DGKB: variants seen among roughly 807,000 people sequenced by gnomAD.
DGKB encodes the protein diacylglycerol kinase beta.
Under a neutral mutation model 114.3 loss-of-function variants are expected in DGKB, and 67 were observed. That is an observed-to-expected ratio of 0.59 (90% CI 0.48 to 0.72). DGKB has a LOEUF of 0.72. Among genes scored for constraint, DGKB ranks in the 30% least tolerant of loss-of-function variants. The pLI, the probability that DGKB is intolerant of heterozygous loss-of-function variation, is 0.00. For synonymous variants in DGKB, 398 were observed against 323.1 expected (o/e 1.23, Z -2.49); for missense variants, 907 against 975.2 (o/e 0.93, Z 0.93).
At chr7:14,288,807 G>A (rs539396429) in intron 23 of DGKB, among the ~76,000 whole-genome samples, 8 of 152,076 alleles carry the variant, frequency 5.3e-5, no homozygotes, top group Non-Finnish European at 7.3e-5. Context: ...ACAGACAGAC[G>A]CATCCAAACA....
At chr7:14,248,764 A>G (rs1794815486) in intron 23 of DGKB, among the ~76,000 whole-genome samples, 1 of 152,116 alleles carries the variant, frequency 6.6e-6, no homozygotes, top group South Asian at 2.1e-4. Context: ...AGTTTTCTGT[A>G]TATAAGATTA....
At chr7:14,741,070 G>A (rs993463888) in intron 4 of DGKB, among the ~76,000 whole-genome samples, 3 of 152,000 alleles carry the variant, frequency 2.0e-5, no homozygotes, top group African/African-American at 7.3e-5. Context: ...TGCCTTCTTT[G>A]TCCCCCTTGG....
chr7:14,526,561 C>A (rs767100628), intron 20 of DGKB, among the ~76,000 whole-genome samples: 5 of 152,022 alleles, frequency 3.3e-5, no homozygotes, highest in African/African-American at 4.8e-5. Flanking sequence ...TAAGAGATAG[C>A]TTTTCCAAAT....
intron 20 of DGKB, among the ~76,000 whole-genome samples, chr7:14,542,151 C>A (rs1793567901): frequency 6.6e-6 from 1 of 152,002 alleles, no homozygotes; most frequent in African/African-American, 2.4e-5. Context: ...CCTCCACACT[C>A]TTTTTAAATA....
intron 21 of DGKB, among the ~76,000 whole-genome samples, chr7:14,361,343 C>A (rs564008421): frequency 3.3e-5 from 5 of 151,960 alleles, no homozygotes; most frequent in African/African-American, 1.2e-4. Flanking sequence ...AAATAAGAAT[C>A]GGGCTACTTG....
chr7:14,729,363 T>C (rs189050445), intron 5 of DGKB, among the ~76,000 whole-genome samples: 2,123 of 151,674 alleles, frequency 0.014, 14 homozygotes, highest in South Asian at 0.018. Context: ...ACCTTGTGAT[T>C]CGCCCACCTT....
At chr7:14,241,146 C>G (rs1207394994) in intron 23 of DGKB, among the ~76,000 whole-genome samples, 3 of 151,960 alleles carry the variant, frequency 2.0e-5, no homozygotes, top group Non-Finnish European at 2.9e-5. Context: ...CTAACCTAGC[C>G]CCATGGGCAT....
At chr7:14,322,618 T>C (rs1055665951) in intron 23 of DGKB, among the ~76,000 whole-genome samples, 1 of 152,190 alleles carries the variant, frequency 6.6e-6, no homozygotes, top group Non-Finnish European at 1.5e-5. Flanking sequence ...CATTGGACTT[T>C]AATAAAATTA....
intron 23 of DGKB, among the ~76,000 whole-genome samples, chr7:14,248,354 A>T (rs982149616): frequency 6.6e-6 from 1 of 152,074 alleles, no homozygotes; most frequent in Admixed American, 6.5e-5. Context: ...GTTCCATATA[A>T]GTTTTAGGAT....
At chr7:14,407,502 A>C (rs1479399439) in intron 21 of DGKB, among the ~76,000 whole-genome samples, 1 of 151,972 alleles carries the variant, frequency 6.6e-6, no homozygotes, top group African/African-American at 2.4e-5. Flanking sequence ...GCTGATGGAG[A>C]AGAAGCTACC....
At chr7:14,697,336 CA>C (rs1824123053) in intron 8 of DGKB, among the ~76,000 whole-genome samples, 1 of 152,086 alleles carries the variant, frequency 6.6e-6, no homozygotes, top group Non-Finnish European at 1.5e-5. Flanking sequence ...GTATCTACCT[CA>C]GAGAGTTGAA....
At chr7:14,160,558 A>T (rs1783729111) in intron 25 of DGKB, among the ~76,000 whole-genome samples, 1 of 152,162 alleles carries the variant, frequency 6.6e-6, no homozygotes, top group African/African-American at 2.4e-5. Flanking sequence ...ACTTACTTAC[A>T]AGGGATGTGA....
chr7:14,871,311 A>G (rs886682972), intron 1 of DGKB, among the ~76,000 whole-genome samples: 4 of 152,178 alleles, frequency 2.6e-5, no homozygotes, highest in African/African-American at 9.7e-5. Context: ...CATTTTTATT[A>G]ACTATAGTCA....
intron 13 of DGKB, among the ~76,000 whole-genome samples, chr7:14,655,280 A>T (rs1815527492): frequency 6.7e-6 from 1 of 150,360 alleles, no homozygotes. Context: ...AAAAGTATAT[A>T]AAAAATGTTC....
intron 8 of DGKB, among the ~76,000 whole-genome samples, chr7:14,697,415 T>C (rs1207115145): frequency 1.3e-5 from 2 of 152,142 alleles, no homozygotes; most frequent in African/African-American, 4.8e-5. Flanking sequence ...TCTTCTTTTA[T>C]GGCATGGCAT....
intron 7 of DGKB, among the ~76,000 whole-genome samples, chr7:14,699,770 A>G (rs2129007966): frequency 6.6e-6 from 1 of 152,280 alleles, no homozygotes; most frequent in Non-Finnish European, 1.5e-5. Flanking sequence ...CAGGCCTTTA[A>G]TTACAAAAAA....
At chr7:14,969,146 C>T (rs1787323529) in intron 1 of DGKB, among the ~76,000 whole-genome samples, 1 of 152,120 alleles carries the variant, frequency 6.6e-6, no homozygotes, top group South Asian at 2.1e-4. Context: ...CTTGATATTA[C>T]CGTCTGTCAG....
rs184331092 is a variant in DGKB at position 14,176,848 on chromosome 7, G to C, written c.2295C>G (p.Thr765=). 6.2e-7 allele frequency: 1 copy of C among 1,613,786 alleles called. No individual in the cohort carries two copies. The highest frequency in any genetic ancestry group is 8.5e-7 in the Non-Finnish European group (1 of 1,179,778). The stretch of plus-strand genomic sequence containing the variant: ...ACTACTCTGTACTCACTGTGCATGG[G>C]GTCTGCATCCATGGCTCCCCATCAA... ...MQIDGEPWMQ[T]PCTIKITHKN... The change falls in exon 25 of 26, where the codon ACC becomes ACG. Residue 765 remains threonine, a synonymous_variant. Coordinates refer to ENST00000402815, the MANE Select transcript of DGKB (RefSeq NM_001350709.2).
chr7:14,183,619 G>C (rs547731374), intron 23 of DGKB, among the ~76,000 whole-genome samples: 1 of 152,296 alleles, frequency 6.6e-6, no homozygotes, highest in Admixed American at 6.5e-5. Flanking sequence ...ACAGTCCTTT[G>C]AGATAGGTAT....
Sources: allele counts gnomAD v4.1 joint callset (sites outside exome capture counted in the v4.1 genomes callset), GRCh38; gene constraint gnomAD v4.1.1; transcripts MANE v1.5; gene names NCBI Gene and HGNC (gene_info 2026-07-23, HGNC 2026-07-21).